Variants in DNAJB14 observed in about 807,000 individuals in gnomAD.
The protein encoded by DNAJB14 is DnaJ heat shock protein family (Hsp40) member B14.
Under a neutral mutation model 48.4 loss-of-function variants are expected in DNAJB14, and 22 were observed. The observed-to-expected ratio is 0.45, with a 90% CI of 0.32 to 0.65. DNAJB14 has a LOEUF of 0.65. DNAJB14 is among the 30% of genes least tolerant of loss of function. The pLI is 0.03. For missense variants in DNAJB14, 319 were observed against 458.8 expected (o/e 0.70, Z 2.78); for synonymous variants, 142 against 158.7 (o/e 0.89, Z 0.79).
chr4:99,905,991 C>A (rs1725452284), intron 5 of DNAJB14: 7 of 1,291,688 alleles, frequency 5.4e-6, no homozygotes, highest in Non-Finnish European at 6.9e-6. Flanking sequence ...CCCCCCCACA[C>A]ACAGAGACGC....
chr4:99,918,925 T>C (rs923301277), intron 3 of DNAJB14, among the ~76,000 whole-genome samples: 1 of 152,186 alleles, frequency 6.6e-6, no homozygotes, highest in Non-Finnish European at 1.5e-5. Context: ...GGGAAGCCTT[T>C]CTTACTACCC....
Position 99,897,201 on chromosome 4 carries a change from A to ATATAT in DNAJB14, c.*3826_*3827insATATA, listed in dbSNP as rs71594566. 5.8e-3 allele frequency: 771 copies of ATATAT among 133,780 alleles called. 10 individuals carry two copies. Among genetic ancestry groups the ATATAT allele is most frequent in the African/African-American group, 0.021 (748 of 35,278 alleles). 8.3% of individuals were successfully genotyped at this position (133,780 alleles called of 1,614,324 possible). On this transcript the variant is annotated 3_prime_UTR_variant, in exon 8 of 8. Coordinates refer to ENST00000442697, the MANE Select transcript of DNAJB14 (RefSeq NM_001031723.4). Reference sequence around the variant, plus strand: ...TAATTAGCTGGGAAAAAAAAAAAAAAATATATATATATATATATACACCTA... The same window carrying ATATAT: ...TAATTAGCTGGGAAAAAAAAAAAAAATATATATATATATATATATATATACACCTA...
intron 2 of DNAJB14, chr4:99,926,608 T>C (rs1044575988): frequency 6.6e-6 from 1 of 152,160 alleles, no homozygotes; most frequent in African/African-American, 2.4e-5. Flanking sequence ...AGCCTCTAAA[T>C]TGTCTTGTTT....
At chr4:99,942,739 C>G (rs1219826626) in intron 1 of DNAJB14, among the ~76,000 whole-genome samples, 1 of 151,982 alleles carries the variant, frequency 6.6e-6, no homozygotes, top group African/African-American at 2.4e-5. Flanking sequence ...TCCTACCTGG[C>G]AAAAATAAAA....
At chr4:99,905,736 T>G (rs1210400960) in intron 5 of DNAJB14, 30 bp from the exon 6 acceptor site, 4 of 1,591,356 alleles carry the variant, frequency 2.5e-6, no homozygotes, top group African/African-American at 1.3e-5. Flanking sequence ...AATAACAAAT[T>G]GTAATATAAC....
At chr4:99,906,489 A>G (rs780363796) in intron 5 of DNAJB14, 28 bp downstream of exon 5, 18 of 1,602,034 alleles carry the variant, frequency 1.1e-5, no homozygotes, top group African/African-American at 2.7e-5. Flanking sequence ...GAAATTTGCC[A>G]TTTTGTGATT....
In DNAJB14 at chr4:99,930,466, C is replaced by T. The variant is rs752302889; in HGVS notation, c.289G>A (p.Val97Ile). 6.3e-7 allele frequency: 1 copy of T among 1,593,982 alleles called. No homozygotes were observed. Among genetic ancestry groups the T allele is most frequent in the East Asian group, 2.3e-5 (1 of 44,056 alleles). ...TATTCCTACCTGAGAACTCCATCTA[C>T]TTGGTCTTTGGTATAGCCTTTTCCA... ...EGGKGYTKDQ[V>I]DGVLSINKCK... Residue 97 changes from valine (V) to isoleucine (I), a missense_variant, in exon 2 of 8, where the codon GTA (valine) becomes ATA (isoleucine). Coordinates refer to ENST00000442697, the MANE Select transcript of DNAJB14 (RefSeq NM_001031723.4).
chr4:99,942,020 T>G (rs1330211598), intron 1 of DNAJB14: 1 of 152,072 alleles, frequency 6.6e-6, no homozygotes, highest in Non-Finnish European at 1.5e-5. Context: ...ATACTCCAGA[T>G]GTATAATGAC....
At chr4:99,931,268 G>A (rs900718437) in intron 1 of DNAJB14, among the ~76,000 whole-genome samples, 2 of 152,248 alleles carry the variant, frequency 1.3e-5, no homozygotes, top group African/African-American at 4.8e-5. Flanking sequence ...AACAATGAGT[G>A]TAAAAAATAA....
At position 99,898,834 on chromosome 4, in the gene DNAJB14, C is replaced by T. The variant is rs1026623090; in HGVS notation, c.*2194G>A. The T allele has an allele frequency of 1.3e-5, 2 of 151,870 alleles. No individual in the cohort carries two copies. Among genetic ancestry groups the T allele is most frequent in the Non-Finnish European group, 3.0e-5 (2 of 67,788 alleles). 9.4% of individuals were successfully genotyped at this position (151,870 alleles called of 1,614,324 possible). A position where few individuals can be genotyped will look rare whatever the true frequency, so the allele number is the denominator to read the frequency against. On this transcript the variant is annotated 3_prime_UTR_variant, in exon 8 of 8. Transcript: ENST00000442697. ...AATCTTTTATCAAGATATCCAAACT[C>T]TTCTTACTTTATAAAGTTAACTCCA...
chr4:99,925,109 T>G lies in DNAJB14; in HGVS notation c.306-1924A>C, dbSNP rs1317740453. 5.6e-5 allele frequency: 21 copies of G among 374,314 alleles called. 1 individual carries two copies. The East Asian group carries it at 1.1e-3, about 19-fold the overall frequency. 23.2% of individuals were successfully genotyped at this position (374,314 alleles called of 1,614,324 possible). ...CTCCTTGAATACCAAAATCTACAGA[T>G]GCTCAAATCCCTGATATAAAATGGT... is the stretch of plus-strand genomic sequence containing the variant. On this transcript the variant is annotated intron_variant, in intron 2 of 7. Transcript: ENST00000442697.
chr4:99,919,232 T>C (rs759138762), intron 3 of DNAJB14, among the ~76,000 whole-genome samples: 71 of 152,206 alleles, frequency 4.7e-4, no homozygotes, highest in Non-Finnish European at 8.8e-4. Context: ...TGTCTATATG[T>C]ATTGGTGTTT....
Position 99,932,024 on chromosome 4 carries a change from G to A in DNAJB14, c.134-1403C>T, listed in dbSNP as rs145166362. Reference sequence around the variant, plus strand: ...TCACACTGGACACAAAAATTAACTCGGAATGGATCATGAATCTAAGTGTAA... The same window carrying A: ...TCACACTGGACACAAAAATTAACTCAGAATGGATCATGAATCTAAGTGTAA... On this transcript the variant is annotated intron_variant, in intron 1 of 7. Coordinates refer to ENST00000442697, the MANE Select transcript of DNAJB14 (RefSeq NM_001031723.4). 8.5e-3 allele frequency among the ~76,000 whole-genome samples: 1,295 copies of A among 152,026 alleles called. 11 individuals carry two copies. The highest frequency in any genetic ancestry group is 0.029 in the African/African-American group (1,191 of 41,506).
intron 1 of DNAJB14, among the ~76,000 whole-genome samples, chr4:99,933,754 G>A (rs976699960): frequency 5.9e-5 from 9 of 152,144 alleles, no homozygotes; most frequent in Non-Finnish European, 1.2e-4. Context: ...AAATCTCTCC[G>A]AATTCCCTCA....
intron 1 of DNAJB14, among the ~76,000 whole-genome samples, chr4:99,938,118 A>AAAAAAAAAAAAAAAAAAAC (rs1726751017): frequency 6.8e-6 from 1 of 146,370 alleles, no homozygotes; most frequent in African/African-American, 2.5e-5. Flanking sequence ...AAAAAAAAAA[A>AAAAAAAAAAAAAAAAAAAC]AAAAAAAAAT....
intron 2 of DNAJB14, chr4:99,925,434 A>G (rs1244032666): frequency 6.6e-6 from 1 of 152,136 alleles, no homozygotes; most frequent in Non-Finnish European, 1.5e-5. Flanking sequence ...GATTTCACAT[A>G]AAGAATTGTA....
intron 1 of DNAJB14, among the ~76,000 whole-genome samples, chr4:99,935,459 C>A (rs1245796849): frequency 6.6e-6 from 1 of 152,178 alleles, no homozygotes; most frequent in African/African-American, 2.4e-5. Context: ...TGGGAATCCA[C>A]TATAAAACAG....
intron 1 of DNAJB14, among the ~76,000 whole-genome samples, chr4:99,944,828 C>T (rs1397452395): frequency 6.6e-6 from 1 of 152,138 alleles, no homozygotes; most frequent in Admixed American, 6.5e-5. Flanking sequence ...CCGCCCGCCT[C>T]GGCCTCCCAA....
rs1560726477 is a variant in DNAJB14 at position 99,898,563 on chromosome 4, TTG to T, written c.*2463_*2464del. 1.3e-5 allele frequency: 2 copies of T among 151,892 alleles called. No homozygotes were observed. Among genetic ancestry groups the T allele is most frequent in the Non-Finnish European group, 2.9e-5 (2 of 67,820 alleles). The allele number at this position is 151,892 out of a possible 1,614,324, so 9.4% of individuals were successfully genotyped here. ...CAAACCCTCACAAGGACAATAATGT[TTG>T]TGTGTATATGCATGGGTGTATTTGT... On this transcript the variant is annotated 3_prime_UTR_variant, in exon 8 of 8. Coordinates refer to ENST00000442697, the MANE Select transcript of DNAJB14 (RefSeq NM_001031723.4).
Sources: gnomAD v4.1 joint callset for allele counts (sites outside exome capture counted in the v4.1 genomes callset) on GRCh38, gnomAD v4.1.1 for gene constraint, MANE v1.5 for transcripts, NCBI Gene and HGNC (gene_info 2026-07-23, HGNC 2026-07-21) for gene names.